CEP57L1: variants seen among roughly 807,000 people sequenced by gnomAD.
CEP57L1 encodes centrosomal protein CEP57L1.
Under a neutral mutation model 61.0 loss-of-function variants are expected in CEP57L1, and 37 were observed. The ratio of observed to expected loss-of-function variants is 0.61; its 90% CI spans 0.47 to 0.80. The LOEUF is 0.80. Ranked by LOEUF, CEP57L1 falls within the 30% of genes least tolerant of loss-of-function variation. The pLI is 0.00. For missense variants in CEP57L1, 422 were observed against 524.7 expected (o/e 0.80, Z 1.91); for synonymous variants, 137 against 162.3 (o/e 0.84, Z 1.19).
At position 109,164,914 on chromosome 6, in the gene CEP57L1, A is replaced by G. The variant is rs1562159187; in HGVS notation, c.*1944A>G. Among the ~76,000 whole-genome samples, 1 of 151,952 alleles carries G rather than the reference A, an allele frequency of 6.6e-6. No homozygotes were observed. ...GGCCAACATGTGAAACCCTGTCTCT[A>G]CTAAATTACAAAAATTAGCCGGGTG... On this transcript the variant is annotated 3_prime_UTR_variant, in exon 11 of 11. Coordinates refer to ENST00000517392, the MANE Select transcript of CEP57L1 (RefSeq NM_001271852.3).
intron 1 of CEP57L1, among the ~76,000 whole-genome samples, chr6:109,141,183 G>A (rs1164401253): frequency 6.6e-6 from 1 of 151,874 alleles, no homozygotes. Flanking sequence ...GATGTATGGG[G>A]CAAGATGAAG....
At chr6:109,110,765 C>A (rs1361355235) in intron 1 of CEP57L1, among the ~76,000 whole-genome samples, 1 of 152,154 alleles carries the variant, frequency 6.6e-6, no homozygotes, top group South Asian at 2.1e-4. Flanking sequence ...TTTCCCAGCA[C>A]CATTTATTAA....
At chr6:109,104,186 A>G (rs1039836543) in intron 1 of CEP57L1, among the ~76,000 whole-genome samples, 10 of 152,090 alleles carry the variant, frequency 6.6e-5, no homozygotes, top group African/African-American at 1.9e-4. Flanking sequence ...ACTCAACAAT[A>G]TATTTTCAGA....
At chr6:109,119,406 G>A (rs913435567) in intron 1 of CEP57L1, among the ~76,000 whole-genome samples, 1 of 152,142 alleles carries the variant, frequency 6.6e-6, no homozygotes, top group Non-Finnish European at 1.5e-5. Context: ...TGGTAAGGAT[G>A]GGAGAGGATA....
At chr6:109,150,913 C>G (rs1239919948) in intron 4 of CEP57L1, among the ~76,000 whole-genome samples, 1 of 152,026 alleles carries the variant, frequency 6.6e-6, no homozygotes, top group Non-Finnish European at 1.5e-5. Context: ...CTAGTAGGTC[C>G]ACTCTAAAGA....
At chr6:109,124,669 G>A (rs1773346367) in intron 1 of CEP57L1, among the ~76,000 whole-genome samples, 2 of 152,280 alleles carry the variant, frequency 1.3e-5, no homozygotes, top group South Asian at 2.1e-4. Context: ...TATTTCTTCT[G>A]TCTGTGAACT....
intron 1 of CEP57L1, among the ~76,000 whole-genome samples, chr6:109,136,409 C>A (rs1417161970): frequency 6.6e-6 from 1 of 152,172 alleles, no homozygotes; most frequent in Non-Finnish European, 1.5e-5. Context: ...ACACCGGGGC[C>A]TGTTGTAGGG....
rs368876322 is a variant in CEP57L1, at chr6:109,153,824, C to T, written c.463-9C>T. On this transcript the variant is annotated splice_polypyrimidine_tract_variant and intron_variant, in intron 4 of 10. Coordinates refer to ENST00000517392, the MANE Select transcript of CEP57L1 (RefSeq NM_001271852.3). ...TTCAGGGTTGCTATTTTATTTTTAT[C>T]CTTTCTAGGCCCAGCTTCAGAGGGA... The T allele has an allele frequency of 5.7e-6, 9 of 1,573,836 alleles. No individual in the cohort carries two copies. The highest frequency in any genetic ancestry group is 7.8e-6 in the Non-Finnish European group (9 of 1,149,100).
intron 5 of CEP57L1, 139 bp downstream of exon 5, chr6:109,154,088 A>G: frequency 3.5e-6 from 2 of 575,352 alleles, no homozygotes; most frequent in Non-Finnish European, 6.2e-6. Context: ...ATGAATTCTC[A>G]CCTATAGAGT....
At chr6:109,107,589 A>G (rs913641583) in intron 1 of CEP57L1, among the ~76,000 whole-genome samples, 2 of 152,202 alleles carry the variant, frequency 1.3e-5, no homozygotes, top group Non-Finnish European at 2.9e-5. Context: ...AGAGAAGACA[A>G]AACTTAATTG....
At chr6:109,104,103 A>T (rs958911930) in intron 1 of CEP57L1, among the ~76,000 whole-genome samples, 1 of 151,428 alleles carries the variant, frequency 6.6e-6, no homozygotes, top group Non-Finnish European at 1.5e-5. Context: ...TGGCACAGTC[A>T]TATATTGTCT....
At chr6:109,115,019 A>G (rs547290296) in intron 1 of CEP57L1, among the ~76,000 whole-genome samples, 2 of 152,172 alleles carry the variant, frequency 1.3e-5, no homozygotes, top group Non-Finnish European at 2.9e-5. Context: ...TACAAAATGT[A>G]AAACTATATT....
rs959209696 is a variant in CEP57L1, at chr6:109,120,926, A to G, written c.-3-24293A>G. 2.5e-3 allele frequency among the ~76,000 whole-genome samples: 246 copies of G among 96,728 alleles called. 1 individual carries two copies. Among genetic ancestry groups the G allele is most frequent in the African/African-American group, 8.4e-3 (239 of 28,494 alleles). The allele number at this position is 96,728 out of a possible 152,430, so 63.5% of individuals were successfully genotyped here. A position where few individuals can be genotyped will look rare whatever the true frequency, so the allele number is the denominator to read the frequency against. On this transcript the variant is annotated intron_variant, in intron 1 of 10. Transcript: ENST00000517392. ...CTTAGACACACGCACACACACACAC[A>G]CACACACACACACACACACACACAC... is the stretch of plus-strand genomic sequence containing the variant.
In CEP57L1 at chr6:109,159,877, C is replaced by T. The variant is rs140251395; in HGVS notation, c.1016+415C>T. 2.5e-3 allele frequency among the ~76,000 whole-genome samples: 377 copies of T among 152,250 alleles called. 1 individual carries two copies. Among genetic ancestry groups the T allele is most frequent in the African/African-American group, 8.7e-3 (361 of 41,556 alleles). On this transcript the variant is annotated intron_variant, in intron 9 of 10. Coordinates refer to ENST00000517392, the MANE Select transcript of CEP57L1 (RefSeq NM_001271852.3). ...AGGATCTGATGACCTTAGATTAAAA[C>T]TCACAAAAGCTTTTATAAGACAGGC...
Position 109,173,436 on chromosome 6 carries a change from T to C in CEP57L1, c.*10466T>C, listed in dbSNP as rs1363182499. Among the ~76,000 whole-genome samples the C allele has an allele frequency of 1.3e-5, 2 of 148,490 alleles. No individual in the cohort carries two copies. Among genetic ancestry groups the C allele is most frequent in the Non-Finnish European group, 1.5e-5 (1 of 67,100 alleles). On this transcript the variant is annotated 3_prime_UTR_variant, in exon 11 of 11. Coordinates refer to ENST00000517392, the MANE Select transcript of CEP57L1 (RefSeq NM_001271852.3). ...GCCCCCTACCTTTCTTTTTTTTTTT[T>C]TTTTCTTTTCAGGGTCTTGTTCTGT...
rs759389630 is a variant in CEP57L1 at position 109,174,109 on chromosome 6, A to AAAAAAAAC, written c.*11144_*11145insAACAAAAA. ...AGTGAGTCTTGGTCTCAAAAAAAAA[A>AAAAAAAAC]AAAAACCTTGTGTTGGAAACCATCT... is the stretch of plus-strand genomic sequence containing the variant. On this transcript the variant is annotated 3_prime_UTR_variant, in exon 11 of 11. Transcript: ENST00000517392. Among the ~76,000 whole-genome samples the AAAAAAAAC allele has an allele frequency of 3.4e-5, 5 of 148,280 alleles. No individual in the cohort carries two copies. Among genetic ancestry groups the AAAAAAAAC allele is most frequent in the Non-Finnish European group, 3.0e-5 (2 of 67,082 alleles).
Position 109,159,279 on chromosome 6 carries a change from A to G in CEP57L1, c.833A>G (p.His278Arg). ...LPFVAEKMRQ[H>R]RDPHILQKPF... ...CAAAACTTTTTGCAGATGAGGCAAC[A>G]TCGTGACCCACATATCCTTCAGAAA... is the stretch of plus-strand genomic sequence containing the variant. The change falls in exon 9 of 11, where the codon CAT becomes CGT. Residue 278 changes from histidine to arginine, a missense_variant. By Grantham distance (29) the His-to-Arg change is conservative. Coordinates refer to ENST00000517392, the MANE Select transcript of CEP57L1 (RefSeq NM_001271852.3). 1 of 1,614,120 alleles carries G rather than the reference A, an allele frequency of 6.2e-7. No individual in the cohort carries two copies. Among genetic ancestry groups the G allele is most frequent in the Non-Finnish European group, 8.5e-7 (1 of 1,179,988 alleles).
At chr6:109,147,030 C>T in intron 3 of CEP57L1, 93 bp downstream of exon 3, 1 of 960,806 alleles carries the variant, frequency 1.0e-6, no homozygotes, top group Non-Finnish European at 1.5e-6. Context: ...ACTCAGATAT[C>T]TTTATTCTTA....
intron 1 of CEP57L1, among the ~76,000 whole-genome samples, chr6:109,133,369 C>T (rs561931579): frequency 9.2e-5 from 14 of 152,196 alleles, no homozygotes; most frequent in Non-Finnish European, 2.1e-4. Context: ...ATAGGGTTTG[C>T]GCTCCTATGA....
Sources: gnomAD v4.1 joint callset for allele counts (sites outside exome capture counted in the v4.1 genomes callset) on GRCh38, gnomAD v4.1.1 for gene constraint, MANE v1.5 for transcripts, NCBI Gene and HGNC (gene_info 2026-07-23, HGNC 2026-07-21) for gene names.